SCN8A: variants seen among roughly 807,000 people sequenced by gnomAD.
The protein encoded by SCN8A is sodium channel protein type 8 subunit alpha.
Under a neutral mutation model 184.1 loss-of-function variants are expected in SCN8A, and 30 were observed. That is an observed-to-expected ratio of 0.16 (90% CI 0.12 to 0.22). The LOEUF (loss-of-function observed/expected upper bound fraction) is 0.22. Ranked by LOEUF, SCN8A falls within the 10% of genes least tolerant of loss-of-function variation. SCN8A has a pLI of 1.00. For missense variants in SCN8A, 1,057 were observed against 2,498.9 expected, an observed-to-expected ratio of 0.42 and a Z score of 12.30; for synonymous variants, 852 against 907.0, an observed-to-expected ratio of 0.94 and a Z score of 1.09.
Position 51,740,718 on chromosome 12 carries a change from A to G in SCN8A, c.1999-5185A>G, listed in dbSNP as rs111870373. Among the ~76,000 whole-genome samples, 507 of 152,112 alleles carry G rather than the reference A, an allele frequency of 3.3e-3. 1 individual carries two copies. Among genetic ancestry groups the G allele is most frequent in the African/African-American group, 0.012 (480 of 41,502 alleles). ...GGTTAAGTCCAGTGTTTCTTTGTTG[A>G]TTTTCTGTCTGGGAGATCTGTCCAG... On this transcript the variant is annotated intron_variant, in intron 12 of 26. Coordinates refer to ENST00000627620, the MANE Select transcript of SCN8A (RefSeq NM_001330260.2).
chr12:51,591,569 T>G (rs1026151828), intron 1 of SCN8A, among the ~76,000 whole-genome samples: 1 of 152,182 alleles, frequency 6.6e-6, no homozygotes, highest in Non-Finnish European at 1.5e-5. Context: ...CTACTGTGTG[T>G]ACCGGGGGTC....
At position 51,786,745 on chromosome 12, in the gene SCN8A, G is replaced by C; in HGVS notation, c.4146G>C (p.Gly1382=). 1.2e-6 allele frequency: 2 copies of C among 1,613,962 alleles called. No homozygotes were observed. Among genetic ancestry groups the C allele is most frequent in the Non-Finnish European group, 1.7e-6 (2 of 1,179,872 alleles). The change falls in exon 22 of 27, where the codon GGG becomes GGC. Residue 1382 remains glycine (G), a synonymous_variant. Coordinates refer to ENST00000627620, the MANE Select transcript of SCN8A (RefSeq NM_001330260.2). The part of the protein sequence containing the change: ...NKTECEKLME[G]NNTEIRWKNV... ...CTGAATGTGAAAAGCTTATGGAGGG[G>C]AACAATACAGAGATCAGATGGAAGA...
At chr12:51,782,658 C>G (rs1344696150) in intron 21 of SCN8A, among the ~76,000 whole-genome samples, 2 of 152,194 alleles carry the variant, frequency 1.3e-5, no homozygotes, top group African/African-American at 4.8e-5. Context: ...CTAACTATTT[C>G]CATCTAGATG....
chr12:51,635,003 G>A (rs549040261), intron 1 of SCN8A, among the ~76,000 whole-genome samples: 1 of 152,292 alleles, frequency 6.6e-6, no homozygotes, highest in South Asian at 2.1e-4. Flanking sequence ...GTAAAATCAT[G>A]TGATGACAAA....
chr12:51,665,025 T>C (rs1251523196), intron 2 of SCN8A, among the ~76,000 whole-genome samples: 2 of 152,216 alleles, frequency 1.3e-5, no homozygotes, highest in African/African-American at 4.8e-5. Flanking sequence ...GGATAATGGC[T>C]TCCAGCACCA....
rs921263540 is a variant in SCN8A at position 51,806,087 on chromosome 12, C to T, written c.4796-195C>T. Among the ~76,000 whole-genome samples the T allele has an allele frequency of 6.6e-6, 1 of 152,198 alleles. No homozygotes were observed. Among genetic ancestry groups the T allele is most frequent in the African/African-American group, 2.4e-5 (1 of 41,458 alleles). ...AAGTAATCCACCTGCCTTGGCCTCCCAAAGTCCTGGGATTACAGGCGTGAG... is the reference window on the plus strand; with the variant it reads ...AAGTAATCCACCTGCCTTGGCCTCCTAAAGTCCTGGGATTACAGGCGTGAG... On this transcript the variant is annotated intron_variant, in intron 26 of 26. Coordinates refer to ENST00000627620, the MANE Select transcript of SCN8A (RefSeq NM_001330260.2). The surrounding 1 kb of genome is among the most constrained non-coding windows in gnomAD (Gnocchi z 8.7).
intron 20 of SCN8A, among the ~76,000 whole-genome samples, chr12:51,774,934 T>G (rs148381709): frequency 1.3e-5 from 2 of 152,326 alleles, no homozygotes; most frequent in African/African-American, 4.8e-5. Context: ...ACAGTGATCA[T>G]GAAACTTGAG....
intron 2 of SCN8A, among the ~76,000 whole-genome samples, chr12:51,676,130 G>A (rs907480040): frequency 3.9e-5 from 6 of 151,976 alleles, no homozygotes; most frequent in Non-Finnish European, 7.4e-5. Flanking sequence ...AGAAGTACAC[G>A]CCTAGGGAAG....
chr12:51,715,657 CAAAAAA>C (rs71092719), intron 11 of SCN8A, among the ~76,000 whole-genome samples: 49 of 71,836 alleles, frequency 6.8e-4, no homozygotes, highest in African/African-American at 2.2e-3. Flanking sequence ...GTCTCTGTCT[CAAAAAA>C]AAAAAAAAAA....
rs769940455 is a variant in SCN8A at position 51,745,885 on chromosome 12, CT to C, written c.1999-5del. On this transcript the variant is annotated splice_polypyrimidine_tract_variant and intron_variant, in intron 12 of 26. Coordinates refer to ENST00000627620, the MANE Select transcript of SCN8A (RefSeq NM_001330260.2). The stretch of plus-strand genomic sequence containing the variant: ...GACTTAACTCACTCTATTTGCTTTT[CT>C]TTTTTTTTTTTTAAAGGCTACAACT... 0.15 allele frequency: 142,157 copies of C among 957,358 alleles called. 1 individual carries two copies. Among genetic ancestry groups the C allele is most frequent in the South Asian group, 0.18 (9,885 of 55,866 alleles). 59.3% of individuals were successfully genotyped at this position (957,358 alleles called of 1,614,324 possible). A position where few individuals can be genotyped will look rare whatever the true frequency, so the allele number is the denominator to read the frequency against.
At chr12:51,611,319 G>C (rs1016473662) in intron 1 of SCN8A, among the ~76,000 whole-genome samples, 2 of 151,510 alleles carry the variant, frequency 1.3e-5, no homozygotes, top group African/African-American at 4.8e-5. Context: ...CCGCCACCAC[G>C]CCTGGCTAAT....
chr12:51,736,842 T>C (rs778314689), intron 12 of SCN8A, among the ~76,000 whole-genome samples: 1 of 152,238 alleles, frequency 6.6e-6, no homozygotes, highest in Non-Finnish European at 1.5e-5. Context: ...AAGCAGTCAA[T>C]ACCTCAATTA....
At chr12:51,771,388 G>A (rs1291173083) in intron 19 of SCN8A, among the ~76,000 whole-genome samples, 1 of 152,038 alleles carries the variant, frequency 6.6e-6, no homozygotes, top group Non-Finnish European at 1.5e-5. Context: ...TTTAAAGAAG[G>A]TGGGCACATT....
chr12:51,721,023 C>T (rs1227099266), intron 11 of SCN8A, among the ~76,000 whole-genome samples: 7 of 144,678 alleles, frequency 4.8e-5, no homozygotes, highest in African/African-American at 7.9e-5. Flanking sequence ...GCCAAGATAG[C>T]GCCACCACAC....
chr12:51,766,750 A>G (rs1459019833), intron 16 of SCN8A, among the ~76,000 whole-genome samples: 1 of 152,236 alleles, frequency 6.6e-6, no homozygotes, highest in Non-Finnish European at 1.5e-5. Flanking sequence ...ACTAGCAGCA[A>G]CAAGATCACT....
intron 1 of SCN8A, among the ~76,000 whole-genome samples, chr12:51,636,667 GTCTT>G (rs1244901155): frequency 6.6e-6 from 1 of 152,130 alleles, no homozygotes; most frequent in African/African-American, 2.4e-5. Flanking sequence ...TTTCAACATT[GTCTT>G]TCTTAAGACA....
intron 2 of SCN8A, among the ~76,000 whole-genome samples, chr12:51,668,175 C>T (rs1941068664): frequency 1.0e-5 from 1 of 99,352 alleles, no homozygotes; most frequent in South Asian, 3.2e-4. Context: ...AAGAGTGAAA[C>T]TCCATCTCAA....
intron 1 of SCN8A, among the ~76,000 whole-genome samples, chr12:51,602,536 G>T (rs1476858263): frequency 6.6e-6 from 1 of 152,138 alleles, no homozygotes; most frequent in South Asian, 2.1e-4. Flanking sequence ...AGTGATAATG[G>T]TTGTACCACA....
chr12:51,702,669 C>A lies in SCN8A; in HGVS notation c.993-104C>A, dbSNP rs34363760. On this transcript the variant is annotated intron_variant, in intron 8 of 26. Coordinates refer to ENST00000627620, the MANE Select transcript of SCN8A (RefSeq NM_001330260.2). ...GGCTCTATCAATGGTTATTTATTAT[C>A]TCCAAGGTCATGGAGTAAATAGAAT... is the stretch of plus-strand genomic sequence containing the variant. 1,171 of 917,258 alleles carry A rather than the reference C, an allele frequency of 1.3e-3. 1 individual carries two copies. The highest frequency in any genetic ancestry group is 1.6e-3 in the Non-Finnish European group (1,072 of 680,526). The allele number at this position is 917,258 out of a possible 1,614,324, so 56.8% of individuals were successfully genotyped here. A position where few individuals can be genotyped will look rare whatever the true frequency, so the allele number is the denominator to read the frequency against.
Sources: gnomAD v4.1 joint callset for allele counts (sites outside exome capture counted in the v4.1 genomes callset) on GRCh38, gnomAD v4.1.1 for gene constraint, Gnocchi (gnomAD v3.1) non-coding constraint, MANE v1.5 for transcripts, NCBI Gene and HGNC (gene_info 2026-07-23, HGNC 2026-07-21) for gene names.